Variants in MAP4 observed in about 807,000 individuals in gnomAD.
The protein encoded by MAP4 is microtubule associated protein 4.
A neutral mutation model predicts 170.2 loss-of-function variants in MAP4; 76 were observed. The ratio of observed to expected loss-of-function variants is 0.45; its 90% confidence interval spans 0.37 to 0.54. The LOEUF (loss-of-function observed/expected upper bound fraction) is 0.54, where lower values mean the gene tolerates loss of function less well. MAP4 is among the 20% of genes least tolerant of loss of function. The pLI, the probability that MAP4 is intolerant of heterozygous loss-of-function variation, is 0.00. For synonymous variants in MAP4, 909 were observed against 994.5 expected, an observed-to-expected ratio of 0.91 and a Z score of 1.62; for missense variants, 2,506 against 2,748.0, an observed-to-expected ratio of 0.91 and a Z score of 1.97.
At chr3:47,900,777 C>T (rs2100029584) in intron 10 of MAP4, among the ~76,000 whole-genome samples, 1 of 152,108 alleles carries the variant, frequency 6.6e-6, no homozygotes, top group African/African-American at 2.4e-5. Flanking sequence ...AAAACTACAA[C>T]TTGGAAATAT....
At chr3:47,974,017 G>A in intron 3 of MAP4, 1 of 985,456 alleles carries the variant, frequency 1.0e-6, no homozygotes, top group Non-Finnish European at 1.2e-6. Flanking sequence ...CCAGACCCCT[G>A]TAGAAGAGGG....
In MAP4 at chr3:47,876,586, A is replaced by AT. The variant is rs1184795054; in HGVS notation, c.5542-687dup. The stretch of plus-strand genomic sequence containing the variant: ...AGGTGATTCAGCCATTATTACCTGT[A>AT]TTTTTTTTAATAACTTTTTAATTTT... On this transcript the variant is annotated intron_variant, in intron 11 of 20. Coordinates refer to ENST00000683076, the MANE Select transcript of MAP4 (RefSeq NM_001385682.1). Among the ~76,000 whole-genome samples, 52 of 151,948 alleles carry AT rather than the reference A, an allele frequency of 3.4e-4. 1 individual carries two copies. Among genetic ancestry groups the AT allele is most frequent in the Admixed American group, 3.2e-3 (49 of 15,252 alleles).
chr3:47,970,388 G>A (rs1346426927), intron 3 of MAP4, among the ~76,000 whole-genome samples: 1 of 152,158 alleles, frequency 6.6e-6, no homozygotes, highest in African/African-American at 2.4e-5. Context: ...GGGAGGCTGA[G>A]GCAGGAGAAT....
intron 10 of MAP4, among the ~76,000 whole-genome samples, chr3:47,880,551 G>C (rs924204047): frequency 2.7e-5 from 4 of 146,938 alleles, no homozygotes; most frequent in Non-Finnish European, 5.9e-5. Flanking sequence ...CTGCCACCTG[G>C]AACTCCTGGG....
intron 4 of MAP4, among the ~76,000 whole-genome samples, chr3:47,922,764 G>A (rs546439607): frequency 2.6e-5 from 4 of 152,214 alleles, no homozygotes; most frequent in African/African-American, 9.6e-5. Context: ...TGAAAAAAAA[G>A]CAGGGCCGGG....
In MAP4 at chr3:47,853,163, T is replaced by C; in HGVS notation, c.6886A>G (p.Asn2296Asp). The change falls in exon 20 of 21, where the codon AAT becomes GAT. Residue 2296 changes from asparagine (N) to aspartate (D), a missense_variant and splice_region_variant. Physicochemically the swap from Asn to Asp is conservative, Grantham distance 23 (BLOSUM62 1). Coordinates refer to ENST00000683076, the MANE Select transcript of MAP4 (RefSeq NM_001385682.1). ...QTLDSQIQET[N>D] Reference sequence around the variant, plus strand: ...CCTTAGGCCGAGCCCAGCCACTTACTTGTCTCCTGGATCTGGCTGTCCAAG... The same window carrying C: ...CCTTAGGCCGAGCCCAGCCACTTACCTGTCTCCTGGATCTGGCTGTCCAAG... 2 of 1,597,478 alleles carry C rather than the reference T, an allele frequency of 1.3e-6. No individual in the cohort carries two copies. The highest frequency in any genetic ancestry group is 1.7e-6 in the Non-Finnish European group (2 of 1,170,928).
chr3:48,027,754 T>A (rs935419590), intron 1 of MAP4, among the ~76,000 whole-genome samples: 6 of 152,098 alleles, frequency 3.9e-5, no homozygotes, highest in African/African-American at 1.4e-4. Context: ...GGGAGGATCG[T>A]TTGAGCCCGG....
At chr3:47,854,402 A>G (rs1200539536) in intron 19 of MAP4, among the ~76,000 whole-genome samples, 1 of 152,180 alleles carries the variant, frequency 6.6e-6, no homozygotes, top group Admixed American at 6.5e-5. Flanking sequence ...AGGATGGGAC[A>G]GGGGACGGGC....
At chr3:48,080,468 A>G (rs1482696672) in intron 1 of MAP4, among the ~76,000 whole-genome samples, 2 of 152,236 alleles carry the variant, frequency 1.3e-5, no homozygotes, top group Admixed American at 6.5e-5. Flanking sequence ...AAAAGGAACA[A>G]TCCCATCAAG....
At chr3:47,975,114 A>C in intron 3 of MAP4, 1 of 1,078,526 alleles carries the variant, frequency 9.3e-7, no homozygotes, top group Non-Finnish European at 1.1e-6. Flanking sequence ...AAAGGAAAAA[A>C]ATGTGAGAAT....
chr3:47,939,354 C>A (rs1319520876), intron 3 of MAP4, among the ~76,000 whole-genome samples: 1 of 152,054 alleles, frequency 6.6e-6, no homozygotes, highest in Admixed American at 6.6e-5. Flanking sequence ...AGTAAGTGAA[C>A]TCATTAATGT....
At chr3:47,955,088 G>A (rs982952034) in intron 3 of MAP4, among the ~76,000 whole-genome samples, 37 of 152,000 alleles carry the variant, frequency 2.4e-4, no homozygotes, top group Admixed American at 2.0e-3. Context: ...GATTTAACTC[G>A]CCAGTTTGTC....
chr3:47,958,957 C>T (rs1053429771), intron 3 of MAP4, among the ~76,000 whole-genome samples: 2 of 152,044 alleles, frequency 1.3e-5, no homozygotes, highest in Non-Finnish European at 2.9e-5. Context: ...GCTGAAATTA[C>T]AGGCATGAGC....
chr3:47,881,225 G>A (rs1356694898), intron 10 of MAP4, among the ~76,000 whole-genome samples: 5 of 151,208 alleles, frequency 3.3e-5, no homozygotes, highest in Non-Finnish European at 5.9e-5. Flanking sequence ...TGAGGCAGAG[G>A]ATCACTTGAG....
At chr3:47,908,818 A>G (rs556696588) in intron 9 of MAP4, among the ~76,000 whole-genome samples, 1 of 152,310 alleles carries the variant, frequency 6.6e-6, no homozygotes, top group Non-Finnish European at 1.5e-5. Context: ...AGTGCTGGGT[A>G]AAAAAGGCAT....
At chr3:47,906,561 T>TA (rs2100033138) in intron 9 of MAP4, among the ~76,000 whole-genome samples, 1 of 151,554 alleles carries the variant, frequency 6.6e-6, no homozygotes, top group African/African-American at 2.4e-5. Flanking sequence ...TGCATGCCTG[T>TA]AATCCCAGCT....
intron 1 of MAP4, among the ~76,000 whole-genome samples, chr3:48,042,259 A>T (rs897726054): frequency 2.6e-5 from 4 of 152,176 alleles, no homozygotes; most frequent in African/African-American, 9.7e-5. Flanking sequence ...CAGGTTGATT[A>T]TGTCAGAATT....
rs2092990987 is a variant in MAP4, at chr3:47,871,921, G to A, written c.5937C>T (p.Pro1979=). 1 of 1,608,996 alleles carries A rather than the reference G, an allele frequency of 6.2e-7. No individual in the cohort carries two copies. The highest frequency in any genetic ancestry group is 1.7e-5 in the Admixed American group (1 of 59,636). The change falls in exon 13 of 21, where the codon CCC becomes CCT. Residue 1979 remains proline, a synonymous_variant. Transcript: ENST00000683076. ...RSPSTLLPKK[P]TAIKTEGKPA... Reference sequence around the variant, plus strand: ...GGAGAGAAAGGCAATACTCACCAGTGGGCTTCTTGGGCAGGAGCGTGGAGG... The same window carrying A: ...GGAGAGAAAGGCAATACTCACCAGTAGGCTTCTTGGGCAGGAGCGTGGAGG...
chr3:47,862,487 T>A (rs2068975100), intron 17 of MAP4, among the ~76,000 whole-genome samples: 1 of 152,100 alleles, frequency 6.6e-6, no homozygotes, highest in Non-Finnish European at 1.5e-5. Flanking sequence ...TTTTCCTTTT[T>A]TTTTTGTTGA....
Sources: gnomAD v4.1 joint callset for allele counts (sites outside exome capture counted in the v4.1 genomes callset) on GRCh38, gnomAD v4.1.1 for gene constraint, MANE v1.5 for transcripts, NCBI Gene and HGNC (gene_info 2026-07-23, HGNC 2026-07-21) for gene names.